Variants in CLEC16A observed in about 807,000 individuals in gnomAD.
CLEC16A encodes the protein C-type lectin domain containing 16A.
CLEC16A carries 51 observed loss-of-function variants against 109.5 expected under a neutral mutation model. The ratio of observed to expected loss-of-function variants is 0.47; its 90% CI spans 0.37 to 0.59. The LOEUF (loss-of-function observed/expected upper bound fraction) is 0.59. Ranked by LOEUF, CLEC16A falls within the 20% of genes least tolerant of loss-of-function variation. The pLI, the probability that CLEC16A is intolerant of heterozygous loss-of-function variation, is 0.00. For synonymous variants in CLEC16A, 673 were observed against 564.2 expected, an observed-to-expected ratio of 1.19 and a Z score of -2.73; for missense variants, 1,339 against 1,394.0, an observed-to-expected ratio of 0.96 and a Z score of 0.63.
intron 7 of CLEC16A, among the ~76,000 whole-genome samples, chr16:10,975,041 A>T (rs2042969988): frequency 6.6e-6 from 1 of 152,172 alleles, no homozygotes; most frequent in Non-Finnish European, 1.5e-5. Flanking sequence ...GCCTCTGGAC[A>T]GTGAGGAGAA....
intron 19 of CLEC16A, among the ~76,000 whole-genome samples, chr16:11,092,760 C>T (rs74245518): frequency 0.07 from 10,731 of 152,218 alleles, 388 homozygotes; most frequent in East Asian, 0.12. Context: ...CTGGGTCTGT[C>T]GTCTATGAGC....
intron 22 of CLEC16A, among the ~76,000 whole-genome samples, chr16:11,136,730 G>A (rs1013314172): frequency 1.1e-4 from 17 of 152,340 alleles, no homozygotes; most frequent in African/African-American, 4.1e-4. Flanking sequence ...ATCTGCCTGA[G>A]GCCCCACAGC....
At chr16:11,103,172 G>C (rs2051021393) in intron 19 of CLEC16A, among the ~76,000 whole-genome samples, 1 of 152,234 alleles carries the variant, frequency 6.6e-6, no homozygotes, top group African/African-American at 2.4e-5. Context: ...GCCCACAAGG[G>C]TCAGATCCAA....
chr16:10,988,747 C>G (rs1221408240), intron 10 of CLEC16A, among the ~76,000 whole-genome samples: 3 of 152,200 alleles, frequency 2.0e-5, no homozygotes, highest in East Asian at 3.9e-4. Context: ...CCTGATTTTA[C>G]TAGGTGTTCC....
At chr16:11,015,500 C>T (rs567065158) in intron 11 of CLEC16A, among the ~76,000 whole-genome samples, 21 of 152,298 alleles carry the variant, frequency 1.4e-4, no homozygotes, top group African/African-American at 5.1e-4. Flanking sequence ...AGAAAGGGGC[C>T]TCATGGAGTG....
At chr16:10,958,126 C>T (rs1324174115) in intron 2 of CLEC16A, among the ~76,000 whole-genome samples, 1 of 151,530 alleles carries the variant, frequency 6.6e-6, no homozygotes, top group Non-Finnish European at 1.5e-5. Flanking sequence ...AAATGAGTGT[C>T]TCTAGAAAAC....
intron 23 of CLEC16A, among the ~76,000 whole-genome samples, chr16:11,172,555 G>A (rs1200556538): frequency 6.6e-6 from 1 of 152,166 alleles, no homozygotes; most frequent in Non-Finnish European, 1.5e-5. Context: ...TTTTTAATTT[G>A]GGGGAGCACA....
rs1488991916 is a variant in CLEC16A, at chr16:11,178,631, A to G, written c.3103A>G (p.Thr1035Ala). 6.3e-7 allele frequency: 1 copy of G among 1,593,768 alleles called. No individual in the cohort carries two copies. Among genetic ancestry groups the G allele is most frequent in the Non-Finnish European group, 8.5e-7 (1 of 1,173,940 alleles). ...PPLSTPAAAC[T>A]EPVGEEAACA... ...GCTGTCCACGCCGGCTGCCGCCTGCACAGAGCCCGTGGGCGAAGAGGCTGC... is the reference window on the plus strand; with the variant it reads ...GCTGTCCACGCCGGCTGCCGCCTGCGCAGAGCCCGTGGGCGAAGAGGCTGC... The change falls in exon 24 of 24, where the codon ACA (threonine) becomes GCA (alanine). Residue 1035 changes from threonine to alanine, a missense_variant. Around this residue, in one of 3 missense-constraint regions of CLEC16A, gnomAD observed 1,061 missense variants for 1,006.8 expected, o/e 1.05. Transcript: ENST00000409790. The surrounding 1 kb of genome is among the most constrained non-coding windows in gnomAD (Gnocchi z 6.5).
chr16:11,085,917 G>A (rs184074941), intron 19 of CLEC16A, among the ~76,000 whole-genome samples: 2 of 152,252 alleles, frequency 1.3e-5, no homozygotes, highest in African/African-American at 4.8e-5. Context: ...ACCTGAGATT[G>A]GGCGGGGACA....
chr16:11,049,013 C>T (rs79705138), intron 17 of CLEC16A, among the ~76,000 whole-genome samples: 1 of 148,186 alleles, frequency 6.7e-6, no homozygotes, highest in Non-Finnish European at 1.5e-5. Context: ...TGATTTTTTT[C>T]TTTTTTTTTT....
chr16:10,947,777 T>C (rs1413363264), intron 1 of CLEC16A, among the ~76,000 whole-genome samples: 1 of 152,214 alleles, frequency 6.6e-6, no homozygotes, highest in African/African-American at 2.4e-5. Context: ...TGACAGTTCT[T>C]AATACACTCT....
intron 1 of CLEC16A, among the ~76,000 whole-genome samples, chr16:10,951,241 G>A (rs1449362105): frequency 6.6e-6 from 1 of 152,160 alleles, no homozygotes; most frequent in Non-Finnish European, 1.5e-5. Flanking sequence ...GCAAAGCTCG[G>A]ATATTGAGAC....
At chr16:11,131,166 G>A (rs1230755750) in intron 22 of CLEC16A, among the ~76,000 whole-genome samples, 1 of 152,184 alleles carries the variant, frequency 6.6e-6, no homozygotes, top group Non-Finnish European at 1.5e-5. Context: ...GTATGTGGGG[G>A]TGGGCAGGCA....
At chr16:11,037,277 T>C (rs1476216983) in intron 13 of CLEC16A, among the ~76,000 whole-genome samples, 1 of 152,136 alleles carries the variant, frequency 6.6e-6, no homozygotes, top group Non-Finnish European at 1.5e-5. Flanking sequence ...CCCTTTCCCA[T>C]TTGGACCCCA....
chr16:11,031,937 G>A (rs1014389344), intron 13 of CLEC16A, among the ~76,000 whole-genome samples: 1 of 152,166 alleles, frequency 6.6e-6, no homozygotes, highest in African/African-American at 2.4e-5. Flanking sequence ...GTGGAGCACC[G>A]GCCGTGTGCC....
chr16:11,174,851 C>G lies in CLEC16A; in HGVS notation c.2807-3484C>G, dbSNP rs1446540383. Reference sequence around the variant, plus strand: ...GGATGTGGCCCCACCATCTCCCTTTCTGAGTGGCACCCACACAGCAGTGAG... The same window carrying G: ...GGATGTGGCCCCACCATCTCCCTTTGTGAGTGGCACCCACACAGCAGTGAG... On this transcript the variant is annotated intron_variant, in intron 23 of 23. Transcript: ENST00000409790. This position sits in a 1 kb window ranked among gnomAD's most constrained non-coding sequence, Gnocchi z 4.7. 6.6e-6 allele frequency among the ~76,000 whole-genome samples: 1 copy of G among 152,262 alleles called. No individual in the cohort carries two copies. Among genetic ancestry groups the G allele is most frequent in the African/African-American group, 2.4e-5 (1 of 41,478 alleles).
At chr16:11,062,702 C>A (rs1052846810) in intron 19 of CLEC16A, among the ~76,000 whole-genome samples, 1 of 152,176 alleles carries the variant, frequency 6.6e-6, no homozygotes, top group African/African-American at 2.4e-5. Flanking sequence ...TATGTTTTAT[C>A]TTTCCCTTTC....
chr16:11,126,217 G>A, intron 22 of CLEC16A, 71 bp downstream of exon 22: 3 of 1,592,006 alleles, frequency 1.9e-6, no homozygotes, highest in Non-Finnish European at 2.6e-6. Flanking sequence ...TCTCTCTGTG[G>A]AGCCTGTGTG....
intron 11 of CLEC16A, among the ~76,000 whole-genome samples, chr16:11,018,748 C>CAAA (rs56911220): frequency 2.1e-5 from 2 of 96,278 alleles, no homozygotes; most frequent in African/African-American, 8.8e-5. Context: ...GACTCCATCT[C>CAAA]AAAAAAAAAA....
Sources: allele counts gnomAD v4.1 joint callset (sites outside exome capture counted in the v4.1 genomes callset), GRCh38; gene constraint gnomAD v4.1.1; regional missense constraint gnomAD v4.1.1; non-coding constraint Gnocchi (gnomAD v3.1); transcripts MANE v1.5; gene names NCBI Gene and HGNC (gene_info 2026-07-23, HGNC 2026-07-21).